CNTLN: variants seen among roughly 807,000 people sequenced by gnomAD.
CNTLN encodes centlein.
A neutral mutation model predicts 180.0 loss-of-function variants in CNTLN; 212 were observed. The observed-to-expected ratio is 1.18, with a 90% confidence interval of 1.05 to 1.32. CNTLN has a LOEUF of 1.32. Among genes scored for constraint, CNTLN ranks in the 40% most tolerant of loss-of-function variants. The probability of loss-of-function intolerance (pLI) is 0.00; values close to 1 mark genes in which losing one functional copy is unlikely to be tolerated. For missense variants in CNTLN, 2,095 were observed against 1,610.9 expected (o/e 1.30, Z -5.14); for synonymous variants, 722 against 563.1 (o/e 1.28, Z -3.99).
intron 22 of CNTLN, among the ~76,000 whole-genome samples, chr9:17,466,460 A>C (rs902075416): frequency 1.3e-5 from 2 of 151,456 alleles, no homozygotes; most frequent in African/African-American, 2.4e-5. Flanking sequence ...TTTGGTCTAA[A>C]ATAGCTTCCA....
At chr9:17,387,053 A>G (rs1489359152) in intron 13 of CNTLN, among the ~76,000 whole-genome samples, 1 of 152,198 alleles carries the variant, frequency 6.6e-6, no homozygotes, top group Non-Finnish European at 1.5e-5. Flanking sequence ...TATCCTTCGG[A>G]TACTGTTCTA....
At chr9:17,409,830 C>T (rs2780210) in intron 16 of CNTLN, among the ~76,000 whole-genome samples, 131,991 of 152,086 alleles carry the variant, frequency 0.87, 57,558 homozygotes, top group Non-Finnish European at 0.91. Flanking sequence ...GACTAAATCT[C>T]TAAATTACTT....
intron 5 of CNTLN, among the ~76,000 whole-genome samples, chr9:17,249,851 G>T (rs947719229): frequency 1.3e-5 from 2 of 148,568 alleles, no homozygotes; most frequent in African/African-American, 5.0e-5. Context: ...CGTTTATTCA[G>T]CTGTTTTGGG....
chr9:17,160,319 T>A (rs552321288), intron 2 of CNTLN, among the ~76,000 whole-genome samples: 1 of 152,214 alleles, frequency 6.6e-6, no homozygotes, highest in Non-Finnish European at 1.5e-5. Flanking sequence ...CCATGTCTAA[T>A]TCATGTCCTA....
At chr9:17,243,341 A>G (rs1414204892) in intron 5 of CNTLN, among the ~76,000 whole-genome samples, 4 of 151,142 alleles carry the variant, frequency 2.6e-5, no homozygotes, top group African/African-American at 9.7e-5. Flanking sequence ...GATCTTTATT[A>G]TTTCTTTTCT....
chr9:17,371,613 A>T (rs372593818), intron 13 of CNTLN, among the ~76,000 whole-genome samples: 1 of 152,158 alleles, frequency 6.6e-6, no homozygotes, highest in Non-Finnish European at 1.5e-5. Flanking sequence ...CTGTAGACCA[A>T]ATGGAGCTAA....
chr9:17,222,412 C>T (rs1462777498), intron 2 of CNTLN, among the ~76,000 whole-genome samples: 1 of 151,956 alleles, frequency 6.6e-6, no homozygotes, highest in African/African-American at 2.4e-5. Flanking sequence ...TGGAAAGGAC[C>T]TAGTGGGTAA....
chr9:17,306,997 C>G (rs1387092688), intron 7 of CNTLN, among the ~76,000 whole-genome samples: 1 of 152,124 alleles, frequency 6.6e-6, no homozygotes, highest in African/African-American at 2.4e-5. Flanking sequence ...AGCAGCAGCA[C>G]AGTACAAGTA....
intron 23 of CNTLN, among the ~76,000 whole-genome samples, chr9:17,482,328 T>A (rs779524123): frequency 6.6e-6 from 1 of 151,968 alleles, no homozygotes; most frequent in Non-Finnish European, 1.5e-5. Flanking sequence ...CTAGAAAAAG[T>A]AATCAACTGA....
intron 6 of CNTLN, among the ~76,000 whole-genome samples, chr9:17,292,601 T>G (rs750006666): frequency 6.6e-6 from 1 of 152,154 alleles, no homozygotes; most frequent in Non-Finnish European, 1.5e-5. Flanking sequence ...TGGCTGTTGA[T>G]ACTTATGGTT....
intron 10 of CNTLN, among the ~76,000 whole-genome samples, chr9:17,338,147 T>TC (rs201944751): frequency 1.4e-5 from 2 of 144,676 alleles, no homozygotes; most frequent in African/African-American, 2.6e-5. Context: ...CTTCCTTCCT[T>TC]CTTCTTTCTT....
At chr9:17,367,206 C>A (rs1197033551) in intron 13 of CNTLN, among the ~76,000 whole-genome samples, 2 of 152,172 alleles carry the variant, frequency 1.3e-5, no homozygotes, top group African/African-American at 4.8e-5. Flanking sequence ...AATGCAGTGA[C>A]TGTTGGACTT....
chr9:17,499,057 C>G (rs1424700488), intron 25 of CNTLN, among the ~76,000 whole-genome samples: 1 of 152,152 alleles, frequency 6.6e-6, no homozygotes, highest in Non-Finnish European at 1.5e-5. Context: ...GTTTGGCTCT[C>G]TTGTTCTTAG....
chr9:17,268,830 AC>A (rs1827713064), intron 5 of CNTLN, among the ~76,000 whole-genome samples: 1 of 147,596 alleles, frequency 6.8e-6, no homozygotes, highest in South Asian at 2.2e-4. Context: ...TGGGCGTAGG[AC>A]CCTCTGAGCC....
At chr9:17,351,197 C>A (rs915747993) in intron 12 of CNTLN, among the ~76,000 whole-genome samples, 2 of 152,172 alleles carry the variant, frequency 1.3e-5, no homozygotes, top group Non-Finnish European at 2.9e-5. Flanking sequence ...AGCTTTTCCC[C>A]CTGAAATCAG....
At chr9:17,528,161 T>C in the CNTLN span, among the ~76,000 whole-genome samples, 1 of 152,196 alleles carries the variant, frequency 6.6e-6, no homozygotes, top group African/African-American at 2.4e-5. Flanking sequence ...CTACTCCTTA[T>C]GTGTGGGCTG....
intron 5 of CNTLN, among the ~76,000 whole-genome samples, chr9:17,268,597 G>A (rs1297181590): frequency 2.6e-5 from 4 of 152,176 alleles, no homozygotes; most frequent in Non-Finnish European, 5.9e-5. Context: ...GTCTGCAGAG[G>A]TTACTGCTGT....
chr9:17,292,214 C>T (rs1207206687), intron 6 of CNTLN, among the ~76,000 whole-genome samples: 6 of 152,056 alleles, frequency 3.9e-5, no homozygotes, highest in African/African-American at 1.2e-4. Flanking sequence ...TCCCCTTTCT[C>T]TCTGGCTGCT....
chr9:17,150,891 T>C (rs531324525), intron 2 of CNTLN, among the ~76,000 whole-genome samples: 7 of 152,316 alleles, frequency 4.6e-5, no homozygotes, highest in African/African-American at 1.7e-4. Context: ...TATTCCTAGG[T>C]ATTTTATTCT....
Sources: allele counts gnomAD v4.1 joint callset (sites outside exome capture counted in the v4.1 genomes callset), GRCh38; gene constraint gnomAD v4.1.1; transcripts MANE v1.5; gene names NCBI Gene and HGNC (gene_info 2026-07-23, HGNC 2026-07-21).